SNAI2: variants seen among roughly 807,000 people sequenced by gnomAD.
The protein encoded by SNAI2 is snail family transcriptional repressor 2, also known as zinc finger protein SNAI2.
In SNAI2, 2 loss-of-function variants were observed where a neutral mutation model predicts 22.4. The observed-to-expected ratio is 0.09, with a 90% confidence interval of 0.04 to 0.28. SNAI2 has a LOEUF of 0.28. Among genes scored for constraint, SNAI2 ranks in the 10% least tolerant of loss-of-function variants. The pLI is 1.00. For missense variants in SNAI2, 239 were observed against 320.8 expected, an observed-to-expected ratio of 0.75 and a Z score of 1.95; for synonymous variants, 134 against 123.0, an observed-to-expected ratio of 1.09 and a Z score of -0.59.
intron 2 of SNAI2, 119 bp downstream of exon 2, chr8:48,919,777 G>A: frequency 1.2e-5 from 13 of 1,079,482 alleles, no homozygotes; most frequent in Non-Finnish European, 1.8e-5. Flanking sequence ...TCAGGAAGTA[G>A]CTATCAATGA....
chr8:48,920,945 C>T (rs1424636689), intron 1 of SNAI2, among the ~76,000 whole-genome samples: 3 of 152,192 alleles, frequency 2.0e-5, no homozygotes, highest in East Asian at 3.8e-4. Context: ...TATACACAGG[C>T]TTTAGCAAAC....
At position 48,917,920 on chromosome 8, in the gene SNAI2, C is replaced by A. The variant is rs1806102051; in HGVS notation, c.*887G>T. ...ACTCATTCAATCATATAAAAATAAA[C>A]ACAAATTTACATTGACTCATCAACT... On this transcript the variant is annotated 3_prime_UTR_variant, in exon 3 of 3. Transcript: ENST00000020945. 6.6e-6 allele frequency: 1 copy of A among 152,060 alleles called. No individual in the cohort carries two copies. Among genetic ancestry groups the A allele is most frequent in the African/African-American group, 2.4e-5 (1 of 41,418 alleles). The allele number at this position is 152,060 out of a possible 1,614,324, so 9.4% of individuals were successfully genotyped here.
intron 2 of SNAI2, among the ~76,000 whole-genome samples, chr8:48,919,550 A>C (rs914715483): frequency 6.6e-6 from 1 of 152,228 alleles, no homozygotes; most frequent in African/African-American, 2.4e-5. Context: ...TATTAACCAA[A>C]TCAATTGATT....
At chr8:48,919,285 T>C (rs1465755050) in intron 2 of SNAI2, among the ~76,000 whole-genome samples, 2 of 152,248 alleles carry the variant, frequency 1.3e-5, no homozygotes, top group Non-Finnish European at 2.9e-5. Context: ...CAGATGCAGC[T>C]AATGTTGAGC....
chr8:48,920,895 A>G (rs1806153235), intron 1 of SNAI2, among the ~76,000 whole-genome samples: 1 of 152,198 alleles, frequency 6.6e-6, no homozygotes, highest in Admixed American at 6.5e-5. Flanking sequence ...CAGTAATTCA[A>G]TCCTTATGTT....
chr8:48,920,863 G>A (rs1210783183), intron 1 of SNAI2, among the ~76,000 whole-genome samples: 1 of 152,194 alleles, frequency 6.6e-6, no homozygotes, highest in Non-Finnish European at 1.5e-5. Context: ...TAAAGGAAAG[G>A]AGACTTAGTG....
chr8:48,920,518 C>T, intron 1 of SNAI2, 77 bp from the exon 2 acceptor site: 1 of 1,285,042 alleles, frequency 7.8e-7, no homozygotes, highest in South Asian at 1.2e-5. Context: ...TATACACACA[C>T]TGGAAAGATA....
At chr8:48,919,870 A>C (rs768241482) in intron 2 of SNAI2, 26 bp downstream of exon 2, 2 of 1,610,602 alleles carry the variant, frequency 1.2e-6, no homozygotes, top group East Asian at 4.5e-5. Context: ...TCAGAGTAAC[A>C]TTCCTGCCTA....
In SNAI2 at chr8:48,918,634, T is replaced by C. The variant is rs1806113589; in HGVS notation, c.*173A>G. On this transcript the variant is annotated 3_prime_UTR_variant, in exon 3 of 3. Transcript: ENST00000020945. ...ATTATCTTTAAACACATGAATTCCA[T>C]GCTCTTGCAGCTCTCTCTCTGTGGG... 1 of 642,108 alleles carries C rather than the reference T, an allele frequency of 1.6e-6. No individual in the cohort carries two copies. The highest frequency in any genetic ancestry group is 1.8e-5 in the South Asian group (1 of 54,206). The allele number at this position is 642,108 out of a possible 1,614,324, so 39.8% of individuals were successfully genotyped here.
chr8:48,919,434 C>G (rs561027773), intron 2 of SNAI2, among the ~76,000 whole-genome samples: 2 of 152,190 alleles, frequency 1.3e-5, no homozygotes, highest in African/African-American at 4.8e-5. Flanking sequence ...CCAAACAAAG[C>G]AAGAGAGGCA....
rs924349685 is a variant in SNAI2 at position 48,917,916 on chromosome 8, T to G, written c.*891A>C. ...CAGAACTCATTCAATCATATAAAAA[T>G]AAACACAAATTTACATTGACTCATC... On this transcript the variant is annotated 3_prime_UTR_variant, in exon 3 of 3. Coordinates refer to ENST00000020945, the MANE Select transcript of SNAI2 (RefSeq NM_003068.5). 6.6e-6 allele frequency: 1 copy of G among 152,144 alleles called. No homozygotes were observed. Among genetic ancestry groups the G allele is most frequent in the Non-Finnish European group, 1.5e-5 (1 of 68,004 alleles). The allele number at this position is 152,144 out of a possible 1,614,324, so 9.4% of individuals were successfully genotyped here.
intron 2 of SNAI2, 68 bp from the exon 3 acceptor site, chr8:48,919,056 A>G (rs1291686168): frequency 6.7e-7 from 1 of 1,492,428 alleles, no homozygotes; most frequent in Non-Finnish European, 9.2e-7. Flanking sequence ...AAGTAAAATC[A>G]TGTTAACAAA....
Position 48,918,661 on chromosome 8 carries a change from G to A in SNAI2, c.*146C>T. The A allele has an allele frequency of 4.4e-6, 3 of 683,978 alleles. No individual in the cohort carries two copies. The highest frequency in any genetic ancestry group is 7.8e-6 in the Non-Finnish European group (3 of 382,256). The allele number at this position is 683,978 out of a possible 1,614,324, so 42.4% of individuals were successfully genotyped here. ...CTCTTGCAGCTCTCTCTCTGTGGGTGTGTGTGTGTGTGTGTGCATATGTGT... is the reference window on the plus strand; with the variant it reads ...CTCTTGCAGCTCTCTCTCTGTGGGTATGTGTGTGTGTGTGTGCATATGTGT... On this transcript the variant is annotated 3_prime_UTR_variant, in exon 3 of 3. Coordinates refer to ENST00000020945, the MANE Select transcript of SNAI2 (RefSeq NM_003068.5).
chr8:48,919,099 C>A, intron 2 of SNAI2, 111 bp from the exon 3 acceptor site: 2 of 995,390 alleles, frequency 2.0e-6, no homozygotes, highest in Non-Finnish European at 3.0e-6. Context: ...TAATGAGAAG[C>A]AGCAAAACCT....
Position 48,920,377 on chromosome 8 carries a change from G to C in SNAI2, c.144C>G (p.Leu48=). The change falls in exon 2 of 3, where the codon CTC becomes CTG. Residue 48 remains leucine (L), a synonymous_variant. Transcript: ENST00000020945. ...SMPVIPQPEI[L]SSGAYSPITV... is the part of the protein sequence containing the mutation. Reference sequence around the variant, plus strand: ...TGATGGGGCTGTATGCTCCTGAGCTGAGGATCTCTGGTTGTGGTATGACAG... The same window carrying C: ...TGATGGGGCTGTATGCTCCTGAGCTCAGGATCTCTGGTTGTGGTATGACAG... 6.2e-7 allele frequency: 1 copy of C among 1,614,088 alleles called. No homozygotes were observed. Among genetic ancestry groups the C allele is most frequent in the East Asian group, 2.2e-5 (1 of 44,880 alleles).
At position 48,918,554 on chromosome 8, in the gene SNAI2, C is replaced by T; in HGVS notation, c.*253G>A. 4.1e-6 allele frequency: 2 copies of T among 487,712 alleles called. No individual in the cohort carries two copies. Among genetic ancestry groups the T allele is most frequent in the Non-Finnish European group, 7.4e-6 (2 of 271,192 alleles). 30.2% of individuals were successfully genotyped at this position (487,712 alleles called of 1,614,324 possible). On this transcript the variant is annotated 3_prime_UTR_variant, in exon 3 of 3. Coordinates refer to ENST00000020945, the MANE Select transcript of SNAI2 (RefSeq NM_003068.5). ...AAGAGAAAGGTTACTGTCTTTTATT[C>T]TCTCAATCTAGCCATCAGCAAATAT...
In SNAI2 at chr8:48,920,324, T is replaced by C; in HGVS notation, c.197A>G (p.His66Arg). 6.2e-7 allele frequency: 1 copy of C among 1,611,262 alleles called. No homozygotes were observed. The highest frequency in any genetic ancestry group is 8.5e-7 in the Non-Finnish European group (1 of 1,178,176). The change falls in exon 2 of 3, where the codon CAC becomes CGC. Residue 66 changes from histidine (H) to arginine (R), a missense_variant. His to Arg is a conservative substitution (Grantham distance 29). Coordinates refer to ENST00000020945, the MANE Select transcript of SNAI2 (RefSeq NM_003068.5). ...ITVWTTAAPFHAQLPNGLSPL... is the reference protein window; with the variant it reads ...ITVWTTAAPFRAQLPNGLSPL... ...AGAGAGGCCATTGGGTAGCTGGGCG[T>C]GGAATGGAGCAGCGGTAGTCCACAC...
In SNAI2 at chr8:48,920,291, G is replaced by C. The variant is rs372039867; in HGVS notation, c.230C>G (p.Ser77Cys). The C allele has an allele frequency of 2.5e-5, 41 of 1,612,900 alleles. No individual in the cohort carries two copies. In the East Asian group the frequency reaches 8.7e-4, roughly 34 times the overall value. The change falls in exon 2 of 3, where the codon TCC becomes TGC. Residue 77 changes from serine to cysteine, a missense_variant. Transcript: ENST00000020945. ...AQLPNGLSPLSGYSSSLGRVS... is the reference protein window; with the variant it reads ...AQLPNGLSPLCGYSSSLGRVS... ...TCGCCCCAAAGATGAGGAGTATCCG[G>C]AAAGAGGAGAGAGGCCATTGGGTAG...
In SNAI2 at chr8:48,920,444, G is replaced by C; in HGVS notation, c.80-3C>G. The C allele has an allele frequency of 6.2e-7, 1 of 1,613,236 alleles. No homozygotes were observed. Among genetic ancestry groups the C allele is most frequent in the Non-Finnish European group, 8.5e-7 (1 of 1,179,356 alleles). ...ATAGAGATACGGGGAAATAATCACTGGGAAAGAAAAGGGAGGGAGAGAAGA... is the reference window on the plus strand; with the variant it reads ...ATAGAGATACGGGGAAATAATCACTCGGAAAGAAAAGGGAGGGAGAGAAGA... On this transcript the variant is annotated splice_region_variant and splice_polypyrimidine_tract_variant and intron_variant, in intron 1 of 2. Transcript: ENST00000020945.
Sources: allele counts gnomAD v4.1 joint callset (sites outside exome capture counted in the v4.1 genomes callset), GRCh38; gene constraint gnomAD v4.1.1; transcripts MANE v1.5; gene names NCBI Gene and HGNC (gene_info 2026-07-23, HGNC 2026-07-21).